MLLT6: variants seen among roughly 807,000 people sequenced by gnomAD.
MLLT6 encodes the protein protein AF-17.
In MLLT6, 22 loss-of-function variants were observed where a neutral mutation model predicts 103.0. The observed-to-expected ratio is 0.21, with a 90% CI of 0.15 to 0.31. The LOEUF (loss-of-function observed/expected upper bound fraction) is 0.31. Among genes scored for constraint, MLLT6 ranks in the 10% least tolerant of loss-of-function variants. The pLI, the probability that MLLT6 is intolerant of heterozygous loss-of-function variation, is 1.00. For synonymous variants in MLLT6, 606 were observed against 623.5 expected, an observed-to-expected ratio of 0.97 and a Z score of 0.42; for missense variants, 1,199 against 1,441.7, an observed-to-expected ratio of 0.83 and a Z score of 2.73.
In MLLT6 at chr17:38,723,457, A is replaced by G. The variant is rs1018166610; in HGVS notation, c.2883+689A>G. 2.0e-5 allele frequency among the ~76,000 whole-genome samples: 3 copies of G among 152,136 alleles called. No homozygotes were observed. In the East Asian group the frequency reaches 5.8e-4, roughly 29 times the overall value. On this transcript the variant is annotated intron_variant, in intron 18 of 19. Transcript: ENST00000621332. ...CAGTGAGCTGAGATGGCGCCAATAC[A>G]CTCCAGCCTGGGTGACAGAATGAGA...
rs1031065239 is a variant in MLLT6, at chr17:38,728,898, T to G, written c.*3300T>G. On this transcript the variant is annotated 3_prime_UTR_variant, in exon 20 of 20. Coordinates refer to ENST00000621332, the MANE Select transcript of MLLT6 (RefSeq NM_005937.4). The stretch of plus-strand genomic sequence containing the variant: ...CCATGGACAATGACACTTTAAGGAT[T>G]GTCTTGGTTTGTTTTTCCTATTTGT... 14 of 233,744 alleles carry G rather than the reference T, an allele frequency of 6.0e-5. No individual in the cohort carries two copies. The highest frequency in any genetic ancestry group is 1.1e-4 in the Non-Finnish European group (13 of 118,144). The allele number at this position is 233,744 out of a possible 1,614,324, so 14.5% of individuals were successfully genotyped here. A position where few individuals can be genotyped will look rare whatever the true frequency, so the allele number is the denominator to read the frequency against.
In MLLT6 at chr17:38,707,057, C is replaced by A. The variant is rs763907300; in HGVS notation, c.189+28C>A. 14 of 1,580,274 alleles carry A rather than the reference C, an allele frequency of 8.9e-6. No individual in the cohort carries two copies. The South Asian group carries it at 1.3e-4, about 15-fold the overall frequency. ...GAGTTCCAGACTGCCCCTCTCCACT[C>A]CCCTGCCCCTCCCACACACCTGAGC... On this transcript the variant is annotated intron_variant, in intron 2 of 19. Coordinates refer to ENST00000621332, the MANE Select transcript of MLLT6 (RefSeq NM_005937.4).
At chr17:38,720,154 G>C (rs1463019162) in intron 14 of MLLT6, 11 of 688,942 alleles carry the variant, frequency 1.6e-5, no homozygotes, top group South Asian at 1.2e-4. Context: ...CTCCTGACCC[G>C]TGTGGCCTCG....
At position 38,725,009 on chromosome 17, in the gene MLLT6, C is replaced by T. The variant is rs1272510179; in HGVS notation, c.3240+33C>T. 3 of 1,378,630 alleles carry T rather than the reference C, an allele frequency of 2.2e-6. No homozygotes were observed. The Admixed American group carries it at 7.1e-5, about 33-fold the overall frequency. The allele number at this position is 1,378,630 out of a possible 1,614,324, so 85.4% of individuals were successfully genotyped here. ...AGGGGCCCGGGGCCTTCCTGCCTCC[C>T]CTCTGAGGGATGGGTAGAGATGGAT... On this transcript the variant is annotated intron_variant, in intron 19 of 19. Transcript: ENST00000621332.
chr17:38,715,727 G>T lies in MLLT6; in HGVS notation c.935G>T (p.Gly312Val). 6.2e-7 allele frequency: 1 copy of T among 1,614,132 alleles called. No homozygotes were observed. Among genetic ancestry groups the T allele is most frequent in the Non-Finnish European group, 8.5e-7 (1 of 1,180,018 alleles). ...TCCAGCCATAGCCTGAGTCATAAAG[G>T]GAAGAAACTGAGCAGTGGGAAAGGT... ...KSSSHSLSHKGKKLSSGKGVS... is the reference protein window; with the variant it reads ...KSSSHSLSHKVKKLSSGKGVS... The change falls in exon 9 of 20, where the codon GGG becomes GTG. Residue 312 changes from glycine to valine, a missense_variant. Gly to Val is a moderately radical substitution (Grantham distance 109). Transcript: ENST00000621332.
chr17:38,719,958 C>T (rs1034530269), intron 14 of MLLT6, 63 bp downstream of exon 14: 1 of 1,489,770 alleles, frequency 6.7e-7, no homozygotes, highest in Non-Finnish European at 8.9e-7. Context: ...CCTTTCTCCC[C>T]GAGGTCCCCA....
chr17:38,708,542 C>T (rs1905026080), intron 4 of MLLT6, among the ~76,000 whole-genome samples: 1 of 152,164 alleles, frequency 6.6e-6, no homozygotes, highest in East Asian at 1.9e-4. Flanking sequence ...AGCTAACCAT[C>T]CAAGGACTGT....
Position 38,726,134 on chromosome 17 carries a change from A to G in MLLT6, c.*536A>G, listed in dbSNP as rs963026499. 6 of 234,060 alleles carry G rather than the reference A, an allele frequency of 2.6e-5. No individual in the cohort carries two copies. Among genetic ancestry groups the G allele is most frequent in the Non-Finnish European group, 4.2e-5 (5 of 118,438 alleles). 14.5% of individuals were successfully genotyped at this position (234,060 alleles called of 1,614,324 possible). A position where few individuals can be genotyped will look rare whatever the true frequency, so the allele number is the denominator to read the frequency against. ...TCCCTCCCCCCAGCGCAGGGGCACAAGCTGAGCTTGTAAAAGCCCACAGAT... is the reference window on the plus strand; with the variant it reads ...TCCCTCCCCCCAGCGCAGGGGCACAGGCTGAGCTTGTAAAAGCCCACAGAT... On this transcript the variant is annotated 3_prime_UTR_variant, in exon 20 of 20. Transcript: ENST00000621332.
In MLLT6 at chr17:38,720,409, G is replaced by A; in HGVS notation, c.2193G>A (p.Lys731=). 6.3e-7 allele frequency: 1 copy of A among 1,594,564 alleles called. No individual in the cohort carries two copies. Among genetic ancestry groups the A allele is most frequent in the Non-Finnish European group, 8.6e-7 (1 of 1,168,494 alleles). The change falls in exon 15 of 20, where the codon AAG becomes AAA. Residue 731 remains lysine (K), a synonymous_variant. Transcript: ENST00000621332. ...EMLKALHALQ[K]ENQRLQEQIL... is the part of the protein sequence containing the mutation. Reference sequence around the variant, plus strand: ...TGAAGGCGCTGCACGCGCTGCAGAAGGAGAACCAGCGGCTGCAAGAGCAGA... The same window carrying A: ...TGAAGGCGCTGCACGCGCTGCAGAAAGAGAACCAGCGGCTGCAAGAGCAGA...
At position 38,709,336 on chromosome 17, in the gene MLLT6, G is replaced by T; in HGVS notation, c.458+60G>T. The T allele has an allele frequency of 1.4e-6, 2 of 1,454,006 alleles. No homozygotes were observed. Among genetic ancestry groups the T allele is most frequent in the Non-Finnish European group, 1.9e-6 (2 of 1,034,326 alleles). The allele number at this position is 1,454,006 out of a possible 1,614,324, so 90.1% of individuals were successfully genotyped here. On this transcript the variant is annotated intron_variant, in intron 5 of 19. Coordinates refer to ENST00000621332, the MANE Select transcript of MLLT6 (RefSeq NM_005937.4). The surrounding 1 kb of genome is among the most constrained non-coding windows in gnomAD (Gnocchi z 4.3). Reference sequence around the variant, plus strand: ...TTTGTCCTGGATGGCCACTGATCAGGCTCATCCTAGCTGCTGTCCCTTTGA... The same window carrying T: ...TTTGTCCTGGATGGCCACTGATCAGTCTCATCCTAGCTGCTGTCCCTTTGA...
In MLLT6 at chr17:38,713,669, T is replaced by C. The variant is rs193215882; in HGVS notation, c.819+880T>C. 4.0e-3 allele frequency: 607 copies of C among 152,404 alleles called. 1 individual carries two copies. The highest frequency in any genetic ancestry group is 7.1e-3 in the Non-Finnish European group (482 of 68,088). 9.4% of individuals were successfully genotyped at this position (152,404 alleles called of 1,614,324 possible). ...ACCTTGTCATTCATGCCCTCTGACCTTTCCAGGGGCCTGCAGGCAGGTGGC... is the reference window on the plus strand; with the variant it reads ...ACCTTGTCATTCATGCCCTCTGACCCTTCCAGGGGCCTGCAGGCAGGTGGC... On this transcript the variant is annotated intron_variant, in intron 8 of 19. Transcript: ENST00000621332.
intron 8 of MLLT6, 143 bp downstream of exon 8, chr17:38,712,932 A>G: frequency 1.3e-6 from 1 of 747,764 alleles, no homozygotes; most frequent in South Asian, 1.4e-5. Flanking sequence ...CCTACCCCAT[A>G]CCCTCTACTC....
chr17:38,711,292 T>C (rs1178744043), intron 6 of MLLT6, among the ~76,000 whole-genome samples: 1 of 152,118 alleles, frequency 6.6e-6, no homozygotes, highest in Admixed American at 6.5e-5. Flanking sequence ...GATGTTTAAC[T>C]TCCCCCCTTT....
Position 38,720,452 on chromosome 17 carries a change from A to G in MLLT6, c.2236A>G (p.Lys746Glu). Reference sequence around the variant, plus strand: ...AGAGCAGATCCTGAGCCTGACGGCCAAAAAGGAGCGGCTGCAGATTCTCAA... The same window carrying G: ...AGAGCAGATCCTGAGCCTGACGGCCGAAAAGGAGCGGCTGCAGATTCTCAA... Reference protein sequence around the residue: ...LQEQILSLTAKKERLQILNVQ... With the variant: ...LQEQILSLTAEKERLQILNVQ... The change falls in exon 15 of 20, where the codon AAA becomes GAA. Residue 746 changes from lysine to glutamate, a missense_variant. This residue lies in a region of MLLT6 where 1,034 missense variants were observed against 1,091.5 expected (regional missense o/e 0.95). Coordinates refer to ENST00000621332, the MANE Select transcript of MLLT6 (RefSeq NM_005937.4). 6.2e-7 allele frequency: 1 copy of G among 1,612,834 alleles called. No individual in the cohort carries two copies. The highest frequency in any genetic ancestry group is 8.5e-7 in the Non-Finnish European group (1 of 1,179,954).
chr17:38,720,388 GGC>G lies in MLLT6; in HGVS notation c.2175_2176del (p.Leu726AlafsTer88). 6.6e-7 allele frequency: 1 copy of G among 1,512,628 alleles called. No homozygotes were observed. Among genetic ancestry groups the G allele is most frequent in the Non-Finnish European group, 9.0e-7 (1 of 1,115,736 alleles). The allele number at this position is 1,512,628 out of a possible 1,614,324, so 93.7% of individuals were successfully genotyped here. On this transcript the variant is annotated frameshift_variant, in exon 15 of 20. Coordinates refer to ENST00000621332, the MANE Select transcript of MLLT6 (RefSeq NM_005937.4). LOFTEE classifies it high-confidence loss of function. ...AGVNIVEMLK[A>X]LHALQKENQR... is the part of the protein sequence containing the mutation. Reference sequence around the variant, plus strand: ...TCTCCGCAGTCGTGGAGATGCTGAAGGCGCTGCACGCGCTGCAGAAGGAGAAC... The same window carrying G: ...TCTCCGCAGTCGTGGAGATGCTGAAGGCTGCACGCGCTGCAGAAGGAGAAC...
chr17:38,724,433 A>AT lies in MLLT6; in HGVS notation c.2884-183dup. On this transcript the variant is annotated intron_variant, in intron 18 of 19. Transcript: ENST00000621332. The surrounding 1 kb of genome is among the most constrained non-coding windows in gnomAD (Gnocchi z 5.4). ...TGGCAAATACCAATGGCGTGCAACC[A>AT]TTTTCTTGTCTAGATGGGGAGACCC... The AT allele has an allele frequency of 1.9e-6, 1 of 540,414 alleles. No homozygotes were observed. Among genetic ancestry groups the AT allele is most frequent in the South Asian group, 2.7e-5 (1 of 37,144 alleles). The allele number at this position is 540,414 out of a possible 1,614,324, so 33.5% of individuals were successfully genotyped here. A position where few individuals can be genotyped will look rare whatever the true frequency, so the allele number is the denominator to read the frequency against.
At chr17:38,714,337 C>T (rs1274765056) in intron 8 of MLLT6, 1 of 152,286 alleles carries the variant, frequency 6.6e-6, no homozygotes, top group African/African-American at 2.4e-5. Flanking sequence ...CATTTATTGA[C>T]CCTATACCAT....
Position 38,705,700 on chromosome 17 carries a change from TCTA to T in MLLT6, c.71_73del (p.Tyr24del). Reference sequence around the variant, plus strand: ...AGGGGCTGGGCCGAGAACCCGCTGGTCTACTGCGATGGGCACGCGTGCAGCGTG... The same window carrying T: ...AGGGGCTGGGCCGAGAACCCGCTGGTCTGCGATGGGCACGCGTGCAGCGTG... On this transcript the variant is annotated inframe_deletion, in exon 1 of 20. Coordinates refer to ENST00000621332, the MANE Select transcript of MLLT6 (RefSeq NM_005937.4). 6.4e-7 allele frequency: 1 copy of T among 1,561,690 alleles called. No homozygotes were observed. The highest frequency in any genetic ancestry group is 8.7e-7 in the Non-Finnish European group (1 of 1,152,424).
intron 13 of MLLT6, 30 bp downstream of exon 13, chr17:38,719,613 C>T (rs772625989): frequency 2.0e-5 from 32 of 1,587,164 alleles, no homozygotes; most frequent in Non-Finnish European, 2.7e-5. Context: ...GGAGGAGGGG[C>T]TGGGGGCAGG....
Sources: gnomAD v4.1 joint callset for allele counts (sites outside exome capture counted in the v4.1 genomes callset) on GRCh38, gnomAD v4.1.1 for gene constraint, gnomAD v4.1.1 regional missense constraint, Gnocchi (gnomAD v3.1) non-coding constraint, MANE v1.5 for transcripts, NCBI Gene and HGNC (gene_info 2026-07-23, HGNC 2026-07-21) for gene names.